The following ATP2B2 variants were observed in gnomAD, a reference collection of about 807,000 sequenced individuals.
ATP2B2 encodes the protein ATPase plasma membrane Ca2+ transporting 2, also known as plasma membrane calcium-transporting ATPase 2.
A neutral mutation model predicts 120.0 loss-of-function variants in ATP2B2; 15 were observed. That is an observed-to-expected ratio of 0.12 (90% CI 0.08 to 0.19). ATP2B2 has a LOEUF of 0.19. ATP2B2 is among the 10% of genes least tolerant of loss of function. ATP2B2 has a pLI of 1.00. For synonymous variants in ATP2B2, 694 were observed against 700.3 expected (o/e 0.99, Z 0.14); for missense variants, 1,045 against 1,719.8 (o/e 0.61, Z 6.94).
intron 2 of ATP2B2, among the ~76,000 whole-genome samples, chr3:10,543,943 T>C (rs903426458): frequency 5.3e-5 from 8 of 152,194 alleles, no homozygotes; most frequent in African/African-American, 1.9e-4. Context: ...TTCACCACGT[T>C]GGCCAGGCTG....
At chr3:10,503,485 T>C (rs761576183) in intron 1 of ATP2B2, among the ~76,000 whole-genome samples, 44 of 152,366 alleles carry the variant, frequency 2.9e-4, no homozygotes, top group Non-Finnish European at 5.7e-4. Flanking sequence ...TGTGAGGCTG[T>C]GGCGGGCACT....
At chr3:10,587,332 A>G (rs2068534048) in intron 2 of ATP2B2, among the ~76,000 whole-genome samples, 1 of 132,788 alleles carries the variant, frequency 7.5e-6, no homozygotes. Context: ...GTCTCAATAT[A>G]TATGTATATA....
At chr3:10,660,136 G>A (rs900487023) in intron 1 of ATP2B2, among the ~76,000 whole-genome samples, 4 of 152,180 alleles carry the variant, frequency 2.6e-5, no homozygotes, top group Non-Finnish European at 5.9e-5. Flanking sequence ...ATGCCCATAA[G>A]AGAAATCGGG....
At chr3:10,571,955 A>G (rs544873144) in intron 2 of ATP2B2, among the ~76,000 whole-genome samples, 50 of 152,256 alleles carry the variant, frequency 3.3e-4, no homozygotes, top group African/African-American at 1.2e-3. Flanking sequence ...AGTTTCTCCC[A>G]TTAAGGGGGT....
chr3:10,695,251 G>GGAGAGA (rs140200422), intron 1 of ATP2B2, among the ~76,000 whole-genome samples: 1,439 of 126,840 alleles, frequency 0.011, 23 homozygotes, highest in African/African-American at 0.033. Context: ...AGGGAGGGAG[G>GGAGAGA]GAGAGAGAGA....
chr3:10,570,430 C>T (rs992028999), intron 2 of ATP2B2: 1 of 152,254 alleles, frequency 6.6e-6, no homozygotes, highest in African/African-American at 2.4e-5. Context: ...ACCACCCACT[C>T]TGCTTAGCTG....
intron 1 of ATP2B2, among the ~76,000 whole-genome samples, chr3:10,485,093 G>A (rs561973998): frequency 6.6e-6 from 1 of 152,194 alleles, no homozygotes; most frequent in African/African-American, 2.4e-5. Context: ...TGAGAGGAGG[G>A]AGACAGAGGC....
intron 2 of ATP2B2, among the ~76,000 whole-genome samples, chr3:10,431,427 A>G (rs867574291): frequency 1.3e-5 from 2 of 152,326 alleles, no homozygotes; most frequent in Middle Eastern, 3.4e-3. Context: ...GCAGCCATCA[A>G]CATCGAGGCA....
intron 3 of ATP2B2, among the ~76,000 whole-genome samples, chr3:10,403,716 C>T (rs1487323935): frequency 6.6e-6 from 1 of 152,208 alleles, no homozygotes; most frequent in Non-Finnish European, 1.5e-5. Flanking sequence ...ACTGGATACC[C>T]TGCAAGGCCT....
intron 1 of ATP2B2, among the ~76,000 whole-genome samples, chr3:10,656,902 A>G (rs554890618): frequency 6.6e-6 from 1 of 152,222 alleles, no homozygotes; most frequent in South Asian, 2.1e-4. Flanking sequence ...GCCCTGGGGC[A>G]GGAGCAAGCT....
chr3:10,576,985 C>T (rs185329295), intron 2 of ATP2B2, among the ~76,000 whole-genome samples: 20 of 141,866 alleles, frequency 1.4e-4, no homozygotes, highest in African/African-American at 2.4e-4. Context: ...ACCTGGGAGG[C>T]GGAGGTTGCA....
intron 1 of ATP2B2, among the ~76,000 whole-genome samples, chr3:10,451,598 G>C (rs992947576): frequency 6.6e-6 from 1 of 152,194 alleles, no homozygotes; most frequent in Non-Finnish European, 1.5e-5. Flanking sequence ...TTTACTCAGG[G>C]ATGCAGTAGG....
intron 8 of ATP2B2, 107 bp from the exon 9 acceptor site, chr3:10,379,391 G>A (rs1289753793): frequency 3.1e-6 from 4 of 1,297,188 alleles, no homozygotes; most frequent in African/African-American, 2.9e-5. Context: ...TGAAGGGCGG[G>A]CCGTGCTGAC....
intron 2 of ATP2B2, among the ~76,000 whole-genome samples, chr3:10,615,671 C>A (rs2069365614): frequency 6.6e-6 from 1 of 152,236 alleles, no homozygotes; most frequent in Non-Finnish European, 1.5e-5. Context: ...CCACATCCAA[C>A]TTGCTCATCC....
intron 2 of ATP2B2, among the ~76,000 whole-genome samples, chr3:10,417,797 A>G (rs1452405476): frequency 1.3e-5 from 2 of 152,172 alleles, no homozygotes; most frequent in Non-Finnish European, 2.9e-5. Flanking sequence ...GGTTGATCAG[A>G]TGAAGGGATA....
chr3:10,531,205 C>T (rs1206113105), intron 3 of ATP2B2, among the ~76,000 whole-genome samples: 1 of 152,166 alleles, frequency 6.6e-6, no homozygotes, highest in African/African-American at 2.4e-5. Flanking sequence ...GCACACACTC[C>T]CTCCCCTCGG....
At chr3:10,644,395 A>C (rs2070258327) in intron 1 of ATP2B2, among the ~76,000 whole-genome samples, 1 of 152,228 alleles carries the variant, frequency 6.6e-6, no homozygotes, top group Admixed American at 6.5e-5. Context: ...CTGACTCAGC[A>C]ATTCCACTGC....
intron 8 of ATP2B2, among the ~76,000 whole-genome samples, chr3:10,382,197 A>ATTTTTTTTTTTTTTTTT (rs58615119): frequency 4.1e-5 from 5 of 122,322 alleles, no homozygotes; most frequent in Non-Finnish European, 6.5e-5. Flanking sequence ...AGCTAATTAA[A>ATTTTTTTTTTTTTTTTT]TTTTTTTTTT....
At chr3:10,482,507 C>T (rs554585605) in intron 1 of ATP2B2, among the ~76,000 whole-genome samples, 1 of 152,204 alleles carries the variant, frequency 6.6e-6, no homozygotes, top group Admixed American at 6.5e-5. Flanking sequence ...CTTTCCTGGC[C>T]AGGCTGATGG....
Sources: gnomAD v4.1 joint callset for allele counts (sites outside exome capture counted in the v4.1 genomes callset) on GRCh38, gnomAD v4.1.1 for gene constraint, MANE v1.5 for transcripts, NCBI Gene and HGNC (gene_info 2026-07-23, HGNC 2026-07-21) for gene names.